The following GPC5 variants were observed in gnomAD, a reference collection of about 807,000 sequenced individuals.
The protein encoded by GPC5 is glypican 5.
GPC5 carries 47 observed loss-of-function variants against 53.9 expected under a neutral mutation model. The observed-to-expected ratio is 0.87, with a 90% CI of 0.69 to 1.11. The LOEUF (loss-of-function observed/expected upper bound fraction) is 1.11. Ranked by LOEUF, GPC5 falls within the 50% of genes most tolerant of loss-of-function variation. The pLI, the probability that GPC5 is intolerant of heterozygous loss-of-function variation, is 0.00. For missense variants in GPC5, 748 were observed against 713.1 expected (o/e 1.05, Z -0.56); for synonymous variants, 286 against 263.3 (o/e 1.09, Z -0.84).
chr13:92,153,303 G>GT (rs1200574190), intron 7 of GPC5, among the ~76,000 whole-genome samples: 1 of 151,746 alleles, frequency 6.6e-6, no homozygotes, highest in African/African-American at 2.4e-5. Context: ...TAATTTTTGG[G>GT]TTTTTTGTAC....
chr13:91,606,844 C>CT (rs1422267163), intron 2 of GPC5, among the ~76,000 whole-genome samples: 5 of 151,972 alleles, frequency 3.3e-5, no homozygotes, highest in African/African-American at 1.2e-4. Context: ...ATTCTTCTCT[C>CT]TTTTTTTCTT....
chr13:92,418,465 C>T (rs1308433648), intron 7 of GPC5, among the ~76,000 whole-genome samples: 1 of 152,006 alleles, frequency 6.6e-6, no homozygotes, highest in Non-Finnish European at 1.5e-5. Context: ...AAAGAATCTC[C>T]ATGGAGAACG....
intron 7 of GPC5, among the ~76,000 whole-genome samples, chr13:92,166,409 A>G (rs1055826143): frequency 1.3e-5 from 2 of 152,182 alleles, no homozygotes; most frequent in Non-Finnish European, 1.5e-5. Context: ...CTCAAATACT[A>G]TGTTTCAGGA....
intron 7 of GPC5, among the ~76,000 whole-genome samples, chr13:92,236,282 A>G (rs548595190): frequency 1.7e-4 from 26 of 152,052 alleles, no homozygotes; most frequent in Non-Finnish European, 3.5e-4. Flanking sequence ...CCATGATGAA[A>G]CTTGTACCTA....
chr13:92,283,039 A>C (rs892792633), intron 7 of GPC5, among the ~76,000 whole-genome samples: 5 of 152,234 alleles, frequency 3.3e-5, no homozygotes, highest in African/African-American at 9.6e-5. Flanking sequence ...AAATAAAGGG[A>C]TGGAGGAAGA....
intron 7 of GPC5, among the ~76,000 whole-genome samples, chr13:92,693,883 G>C (rs965276434): frequency 6.6e-6 from 1 of 152,168 alleles, no homozygotes; most frequent in African/African-American, 2.4e-5. Context: ...AGATCTTCAC[G>C]ACAGCCCCTT....
intron 5 of GPC5, among the ~76,000 whole-genome samples, chr13:91,782,279 C>T (rs772819496): frequency 9.2e-5 from 14 of 152,030 alleles, no homozygotes; most frequent in African/African-American, 2.2e-4. Flanking sequence ...CAAAAGTGAA[C>T]GGTAGGTGGA....
At chr13:91,576,108 A>T (rs1566521179) in intron 2 of GPC5, among the ~76,000 whole-genome samples, 1 of 152,128 alleles carries the variant, frequency 6.6e-6, no homozygotes, top group Non-Finnish European at 1.5e-5. Context: ...AAGGATGGGA[A>T]CATTGGGCAG....
At chr13:91,565,284 C>T (rs1440188206) in intron 2 of GPC5, among the ~76,000 whole-genome samples, 1 of 152,166 alleles carries the variant, frequency 6.6e-6, no homozygotes, top group Non-Finnish European at 1.5e-5. Flanking sequence ...GCCACTGTGC[C>T]TGGCCAAATA....
At chr13:92,070,245 A>T (rs547466774) in intron 6 of GPC5, among the ~76,000 whole-genome samples, 1 of 152,210 alleles carries the variant, frequency 6.6e-6, no homozygotes, top group Non-Finnish European at 1.5e-5. Flanking sequence ...TGTGGCTAAC[A>T]ATCTGAATAA....
intron 2 of GPC5, among the ~76,000 whole-genome samples, chr13:91,613,203 C>T (rs1031459530): frequency 1.2e-4 from 19 of 152,120 alleles, no homozygotes; most frequent in South Asian, 2.1e-4. Flanking sequence ...AAACACATCC[C>T]GGCAATTTAT....
At position 92,708,314 on chromosome 13, in the gene GPC5, A is replaced by T. The variant is rs1014054183; in HGVS notation, c.1562-157968A>T. Among the ~76,000 whole-genome samples the T allele has an allele frequency of 5.3e-5, 8 of 152,138 alleles. No homozygotes were observed. The South Asian group carries it at 1.7e-3, about 32-fold the overall frequency. On this transcript the variant is annotated intron_variant, in intron 7 of 7. Transcript: ENST00000377067. ...CTCATAGTTTTTGGTACAGCAGTGT[A>T]CTTTAAGTTATACTCAAAGGTTCCA...
intron 7 of GPC5, among the ~76,000 whole-genome samples, chr13:92,755,226 A>T (rs1874801527): frequency 7.1e-6 from 1 of 140,592 alleles, no homozygotes; most frequent in South Asian, 2.6e-4. Flanking sequence ...CTCCTGAATG[A>T]CTACTGGGTA....
At chr13:91,482,215 G>A (rs577099606) in intron 2 of GPC5, among the ~76,000 whole-genome samples, 1 of 152,268 alleles carries the variant, frequency 6.6e-6, no homozygotes, top group South Asian at 2.1e-4. Context: ...AAAAGGGCTT[G>A]TAGGAGTGGA....
intron 6 of GPC5, among the ~76,000 whole-genome samples, chr13:92,113,517 G>A (rs2041574757): frequency 6.6e-6 from 1 of 152,096 alleles, no homozygotes; most frequent in South Asian, 2.1e-4. Context: ...GATAAGCTTA[G>A]ACATTTGTCT....
At chr13:92,125,829 C>T (rs2041689844) in intron 6 of GPC5, among the ~76,000 whole-genome samples, 1 of 149,480 alleles carries the variant, frequency 6.7e-6, no homozygotes, top group Non-Finnish European at 1.5e-5. Flanking sequence ...GAAATTCATC[C>T]AATTAGCATT....
intron 7 of GPC5, among the ~76,000 whole-genome samples, chr13:92,354,659 T>A (rs1594127091): frequency 6.6e-6 from 1 of 152,164 alleles, no homozygotes; most frequent in Admixed American, 6.5e-5. Context: ...TGCATAACAC[T>A]GAATGAATTG....
At chr13:91,842,659 G>A (rs959214711) in intron 5 of GPC5, among the ~76,000 whole-genome samples, 6 of 90,702 alleles carry the variant, frequency 6.6e-5, no homozygotes, top group African/African-American at 2.0e-4. Context: ...CCGAGATCGC[G>A]CCACTGCACC....
At chr13:92,258,710 C>G (rs1305934861) in intron 7 of GPC5, among the ~76,000 whole-genome samples, 2 of 152,164 alleles carry the variant, frequency 1.3e-5, no homozygotes, top group Non-Finnish European at 2.9e-5. Context: ...CACATACACA[C>G]AGACACACAC....
Sources: gnomAD v4.1 joint callset for allele counts (sites outside exome capture counted in the v4.1 genomes callset) on GRCh38, gnomAD v4.1.1 for gene constraint, MANE v1.5 for transcripts, NCBI Gene and HGNC (gene_info 2026-07-23, HGNC 2026-07-21) for gene names.